The following HYOU1 variants were observed in gnomAD, a reference collection of about 807,000 sequenced individuals.
HYOU1 encodes hypoxia up-regulated protein 1.
In HYOU1, 40 loss-of-function variants were observed where a neutral mutation model predicts 120.5. That is an observed-to-expected ratio of 0.33 (90% CI 0.26 to 0.43). The LOEUF is 0.43. Among genes scored for constraint, HYOU1 ranks in the 20% least tolerant of loss-of-function variants. The probability of loss-of-function intolerance (pLI) is 1.00; values close to 1 mark genes in which losing one functional copy is unlikely to be tolerated. For synonymous variants in HYOU1, 501 were observed against 479.4 expected (o/e 1.05, Z -0.59); for missense variants, 1,085 against 1,278.3 (o/e 0.85, Z 2.31).
At chr11:119,045,705 A>G (rs373092360) in intron 25 of HYOU1, 51 bp from the exon 26 acceptor site, 35 of 1,613,110 alleles carry the variant, frequency 2.2e-5, no homozygotes, top group Non-Finnish European at 2.5e-5. Context: ...AAACAGAGGA[A>G]CCAACCCCAG....
In HYOU1 at chr11:119,047,748, T is replaced by G; in HGVS notation, c.2581A>C (p.Ile861Leu). The G allele has an allele frequency of 2.5e-6, 4 of 1,613,824 alleles. No homozygotes were observed. The highest frequency in any genetic ancestry group is 4.5e-5 in the East Asian group (2 of 44,882). ...GAAGTGATTACCCAGGTCTCATTGA[T>G]GACTTTCTCTAACGTTGTCATCTCC... The part of the protein sequence containing the change: ...EVEMTTLEKV[I>L]NETWAWKNAT... The change falls in exon 22 of 26, where the codon ATC (isoleucine) becomes CTC (leucine). Residue 861 changes from isoleucine to leucine, a missense_variant. This residue lies in a region of HYOU1 where 516 missense variants were observed against 517.1 expected (regional missense o/e 1.00). Coordinates refer to ENST00000617285, the MANE Select transcript of HYOU1 (RefSeq NM_006389.5).
Position 119,052,043 on chromosome 11 carries a change from C to G in HYOU1, c.1205+47G>C. 6.2e-7 allele frequency: 1 copy of G among 1,613,958 alleles called. No homozygotes were observed. The highest frequency in any genetic ancestry group is 8.5e-7 in the Non-Finnish European group (1 of 1,179,894). ...GCCCTCCAGCTGCTCAGCCCAAAGC[C>G]CTGCCCCAGGCAGAACTCAGCCAAG... is the stretch of plus-strand genomic sequence containing the variant. On this transcript the variant is annotated intron_variant, in intron 11 of 25. Transcript: ENST00000617285. This position sits in a 1 kb window ranked among gnomAD's most constrained non-coding sequence, Gnocchi z 5.0.
rs1944021867 is a variant in HYOU1 at position 119,045,719 on chromosome 11, T to C, written c.2938+62A>G. 11 of 1,613,516 alleles carry C rather than the reference T, an allele frequency of 6.8e-6. 1 individual carries two copies. In the South Asian group the frequency reaches 1.1e-4, roughly 16 times the overall value. On this transcript the variant is annotated intron_variant, in intron 25 of 25. Transcript: ENST00000617285. ...GAAACAGAGGAACCAACCCCAGTTC[T>C]TTGCAAAGGATTTCCTGAGACCCCA...
At chr11:119,054,944 T>C (rs2133608757) in intron 6 of HYOU1, 40 bp downstream of exon 6, 2 of 1,589,076 alleles carry the variant, frequency 1.3e-6, no homozygotes, top group Middle Eastern at 1.7e-4. Flanking sequence ...CCCTAGATCC[T>C]GGGGAGCCTG....
rs2133610746 is a variant in HYOU1, at chr11:119,055,173, C to A, written c.419+12G>T. ...GCGTTGCCGAGACCACCTTCCCCAACAGAGCACTCACGAGCTGATCTGAAA... is the reference window on the plus strand; with the variant it reads ...GCGTTGCCGAGACCACCTTCCCCAAAAGAGCACTCACGAGCTGATCTGAAA... On this transcript the variant is annotated intron_variant, in intron 5 of 25. Transcript: ENST00000617285. This position sits in a 1 kb window ranked among gnomAD's most constrained non-coding sequence, Gnocchi z 4.0. 4.3e-6 allele frequency: 7 copies of A among 1,612,080 alleles called. No homozygotes were observed. In the South Asian group the frequency reaches 5.5e-5, roughly 13 times the overall value.
rs2133610263 is a variant in HYOU1, at chr11:119,055,139, A to G, written c.419+46T>C. On this transcript the variant is annotated intron_variant, in intron 5 of 25. Coordinates refer to ENST00000617285, the MANE Select transcript of HYOU1 (RefSeq NM_006389.5). This position sits in a 1 kb window ranked among gnomAD's most constrained non-coding sequence, Gnocchi z 4.0. ...CAATCAGGAACACACACCAATGAGG[A>G]GCCCAGCAGCGTTGCCGAGACCACC... The G allele has an allele frequency of 4.3e-6, 7 of 1,612,188 alleles. No individual in the cohort carries two copies. The Admixed American group carries it at 1.2e-4, about 27-fold the overall frequency.
chr11:119,054,257 C>A, intron 7 of HYOU1, 21 bp from the exon 8 acceptor site: 1 of 1,581,858 alleles, frequency 6.3e-7, no homozygotes, highest in Non-Finnish European at 8.7e-7. Flanking sequence ...ATCAAGGCAA[C>A]TGTCACAGGA....
chr11:119,052,964 G>A lies in HYOU1; in HGVS notation c.795-135C>T, dbSNP rs1203432627. The A allele has an allele frequency of 3.9e-6, 3 of 765,002 alleles. No homozygotes were observed. The highest frequency in any genetic ancestry group is 6.2e-6 in the Non-Finnish European group (3 of 484,824). The allele number at this position is 765,002 out of a possible 1,614,324, so 47.4% of individuals were successfully genotyped here. A position where few individuals can be genotyped will look rare whatever the true frequency, so the allele number is the denominator to read the frequency against. ...TGTTCATCTCCAGTGCCCCATGTGTGGACACACACTCTGCCCTCAACTCTC... is the reference window on the plus strand; with the variant it reads ...TGTTCATCTCCAGTGCCCCATGTGTAGACACACACTCTGCCCTCAACTCTC... On this transcript the variant is annotated intron_variant, in intron 8 of 25. Transcript: ENST00000617285. This position sits in a 1 kb window ranked among gnomAD's most constrained non-coding sequence, Gnocchi z 5.0.
chr11:119,055,738 G>A lies in HYOU1; in HGVS notation c.185+12C>T. ...CCTCGTTCCCCACCCTTAACACGGG[G>A]GCCACCCTCACTTATTCAAGACAAT... is the stretch of plus-strand genomic sequence containing the variant. On this transcript the variant is annotated intron_variant, in intron 3 of 25. Coordinates refer to ENST00000617285, the MANE Select transcript of HYOU1 (RefSeq NM_006389.5). This position sits in a 1 kb window ranked among gnomAD's most constrained non-coding sequence, Gnocchi z 4.0. The A allele has an allele frequency of 6.2e-7, 1 of 1,610,362 alleles. No homozygotes were observed. Among genetic ancestry groups the A allele is most frequent in the South Asian group, 1.1e-5 (1 of 91,000 alleles).
chr11:119,047,700 T>A, intron 22 of HYOU1, 34 bp downstream of exon 22: 1 of 1,556,400 alleles, frequency 6.4e-7, no homozygotes, highest in South Asian at 1.1e-5. Context: ...GGATGGCAGC[T>A]AAGTATCTGG....
Position 119,052,234 on chromosome 11 carries a change from G to A in HYOU1, c.1122+61C>T, listed in dbSNP as rs1029348474. ...AGTTAGCACTGACTCGTCCCTTGACGTCCCATGGGTTTCCTATGCCCTTTC... is the reference window on the plus strand; with the variant it reads ...AGTTAGCACTGACTCGTCCCTTGACATCCCATGGGTTTCCTATGCCCTTTC... On this transcript the variant is annotated intron_variant, in intron 10 of 25. Coordinates refer to ENST00000617285, the MANE Select transcript of HYOU1 (RefSeq NM_006389.5). This position sits in a 1 kb window ranked among gnomAD's most constrained non-coding sequence, Gnocchi z 5.0. 44 of 1,613,722 alleles carry A rather than the reference G, an allele frequency of 2.7e-5. No individual in the cohort carries two copies. The South Asian group carries it at 2.7e-4, about 10-fold the overall frequency.
At chr11:119,054,820 G>A in intron 6 of HYOU1, 145 bp from the exon 7 acceptor site, 1 of 1,068,338 alleles carries the variant, frequency 9.4e-7, no homozygotes, top group Non-Finnish European at 1.3e-6. Flanking sequence ...AGCATCCCCG[G>A]CCTCTACCCA....
chr11:119,055,849 G>T lies in HYOU1; in HGVS notation c.92-6C>A. The stretch of plus-strand genomic sequence containing the variant: ...AGACATCACTGCCAGTGTATCTGAA[G>T]GGAAAAGAGGTTTGTCAGTTAGCTC... On this transcript the variant is annotated splice_region_variant and splice_polypyrimidine_tract_variant and intron_variant, in intron 2 of 25. Coordinates refer to ENST00000617285, the MANE Select transcript of HYOU1 (RefSeq NM_006389.5). This position sits in a 1 kb window ranked among gnomAD's most constrained non-coding sequence, Gnocchi z 4.0. 1 of 1,612,664 alleles carries T rather than the reference G, an allele frequency of 6.2e-7. No individual in the cohort carries two copies. The highest frequency in any genetic ancestry group is 1.7e-4 in the Middle Eastern group (1 of 6,056).
In HYOU1 at chr11:119,048,446, T is replaced by TG. The variant is rs2133564243; in HGVS notation, c.2253+29dup. ...CCCACAGAGCCAGGTGTAAGCCCAG[T>TG]GGGGGGGCTGCTGCCTCCTGCCCAC... On this transcript the variant is annotated intron_variant, in intron 19 of 25. Transcript: ENST00000617285. This position sits in a 1 kb window ranked among gnomAD's most constrained non-coding sequence, Gnocchi z 4.7. 88 of 1,612,572 alleles carry TG rather than the reference T, an allele frequency of 5.5e-5. No individual in the cohort carries two copies. Among genetic ancestry groups the TG allele is most frequent in the Middle Eastern group, 3.3e-4 (2 of 6,028 alleles).
At chr11:119,049,262 TG>T (rs1944270595) in intron 16 of HYOU1, 59 bp from the exon 17 acceptor site, 1 of 1,592,762 alleles carries the variant, frequency 6.3e-7, no homozygotes, top group South Asian at 1.1e-5. Context: ...CAGGCAGGCC[TG>T]GCTCGGCACC....
chr11:119,051,396 T>C lies in HYOU1; in HGVS notation c.1526+42A>G. 1 of 1,595,140 alleles carries C rather than the reference T, an allele frequency of 6.3e-7. No individual in the cohort carries two copies. The highest frequency in any genetic ancestry group is 8.6e-7 in the Non-Finnish European group (1 of 1,165,502). On this transcript the variant is annotated intron_variant, in intron 13 of 25. Coordinates refer to ENST00000617285, the MANE Select transcript of HYOU1 (RefSeq NM_006389.5). This position sits in a 1 kb window ranked among gnomAD's most constrained non-coding sequence, Gnocchi z 4.2. ...CCTCAGATTATCCAGCAGCCACGCC[T>C]CCCCCTCCCTGGAGCTCCCATCCTA...
At chr11:119,047,527 C>CTTT (rs1944158360) in intron 22 of HYOU1, 2 of 547,288 alleles carry the variant, frequency 3.7e-6, no homozygotes, top group Non-Finnish European at 6.6e-6. Flanking sequence ...ATGGGATGGG[C>CTTT]TTTTTTGCTC....
At chr11:119,047,300 G>C (rs2133556028) in intron 22 of HYOU1, 104 of 205,710 alleles carry the variant, frequency 5.1e-4, no homozygotes, top group African/African-American at 2.0e-3. Flanking sequence ...GCCCACCTCA[G>C]CCTCCTTAAG....
chr11:119,045,215 A>C lies in HYOU1; in HGVS notation c.*378T>G. 2.1e-6 allele frequency: 1 copy of C among 468,000 alleles called. No homozygotes were observed. The highest frequency in any genetic ancestry group is 4.3e-6 in the Non-Finnish European group (1 of 232,482). The allele number at this position is 468,000 out of a possible 1,614,324, so 29.0% of individuals were successfully genotyped here. ...GGGAGGGAAGGAACAATCACCAGAG[A>C]AGAGTGGAAACTCCCCAGCAACCTG... On this transcript the variant is annotated 3_prime_UTR_variant, in exon 26 of 26. Transcript: ENST00000617285.
Sources: allele counts gnomAD v4.1 joint callset, GRCh38; gene constraint gnomAD v4.1.1; regional missense constraint gnomAD v4.1.1; non-coding constraint Gnocchi (gnomAD v3.1); transcripts MANE v1.5; gene names NCBI Gene and HGNC (gene_info 2026-07-23, HGNC 2026-07-21).